LPIN1: variants seen among roughly 807,000 people sequenced by gnomAD.
LPIN1 encodes the protein lipin 1.
Under a neutral mutation model 107.5 loss-of-function variants are expected in LPIN1, and 71 were observed. The observed-to-expected ratio is 0.66, with a 90% CI of 0.55 to 0.80. The LOEUF is 0.80. LPIN1 is among the 30% of genes least tolerant of loss of function. The pLI is 0.00. For missense variants in LPIN1, 1,043 were observed against 1,160.6 expected (o/e 0.90, Z 1.47); for synonymous variants, 445 against 452.6 (o/e 0.98, Z 0.21).
chr2:11,772,508 A>G (rs990124862), intron 4 of LPIN1, among the ~76,000 whole-genome samples: 7 of 152,212 alleles, frequency 4.6e-5, no homozygotes, highest in African/African-American at 7.2e-5. Flanking sequence ...TTGAGCACCA[A>G]CGATGCACAA....
chr2:11,699,446 G>T (rs1474318368), intron 1 of LPIN1, among the ~76,000 whole-genome samples: 1 of 152,104 alleles, frequency 6.6e-6, no homozygotes, highest in African/African-American at 2.4e-5. Flanking sequence ...CCTGGGGGGG[G>T]CGTGCGGAAG....
chr2:11,773,721 A>T lies in LPIN1; in HGVS notation c.698A>T (p.Asp233Val). Reference sequence around the variant, plus strand: ...CAGTCAGCCTCATACCCTAATTCGGATAGAGAGTGGTCACCCACTCCCAGG... The same window carrying T: ...CAGTCAGCCTCATACCCTAATTCGGTTAGAGAGTGGTCACCCACTCCCAGG... The part of the protein sequence containing the change: ...YPQSASYPNS[D>V]REWSPTPSSL... The change falls in exon 5 of 21, where the codon GAT becomes GTT. Residue 233 changes from aspartate (D) to valine (V), a missense_variant. Asp to Val is a radical substitution (Grantham distance 152). Coordinates refer to ENST00000674199, the MANE Select transcript of LPIN1 (RefSeq NM_001349206.2). 6.2e-7 allele frequency: 1 copy of T among 1,614,092 alleles called. No homozygotes were observed.
intron 1 of LPIN1, among the ~76,000 whole-genome samples, chr2:11,686,984 C>G (rs936209675): frequency 1.4e-5 from 2 of 138,854 alleles, no homozygotes; most frequent in African/African-American, 2.7e-5. Context: ...CATGTCATAG[C>G]TTTTGATCCT....
intron 1 of LPIN1, chr2:11,764,309 G>A (rs1242388073): frequency 1.3e-5 from 2 of 151,932 alleles, no homozygotes; most frequent in Non-Finnish European, 2.9e-5. Context: ...ACCACGCACA[G>A]CTAATTTTTG....
At chr2:11,757,799 T>C (rs1668905000) in intron 1 of LPIN1, among the ~76,000 whole-genome samples, 1 of 140,688 alleles carries the variant, frequency 7.1e-6, no homozygotes, top group Non-Finnish European at 1.5e-5. Flanking sequence ...TCTCCCCAAT[T>C]CTTAAAAAAA....
intron 1 of LPIN1, among the ~76,000 whole-genome samples, chr2:11,696,145 G>C (rs1167884276): frequency 2.0e-5 from 3 of 149,854 alleles, no homozygotes; most frequent in Admixed American, 6.7e-5. Flanking sequence ...ATGGGGGTTT[G>C]CTGCACCTAA....
chr2:11,709,639 G>T (rs1037834214), intron 1 of LPIN1, among the ~76,000 whole-genome samples: 2 of 152,188 alleles, frequency 1.3e-5, no homozygotes, highest in Non-Finnish European at 2.9e-5. Flanking sequence ...CTCTTGTCCT[G>T]GAAAAGCTGA....
intron 2 of LPIN1, among the ~76,000 whole-genome samples, chr2:11,718,666 C>T (rs542878517): frequency 3.1e-4 from 47 of 152,228 alleles, no homozygotes; most frequent in Non-Finnish European, 5.7e-4. Flanking sequence ...GTTCCTTCTA[C>T]GCCTGTCTGG....
chr2:11,795,977 C>G (rs1004369975), intron 14 of LPIN1, among the ~76,000 whole-genome samples: 1 of 152,206 alleles, frequency 6.6e-6, no homozygotes, highest in African/African-American at 2.4e-5. Flanking sequence ...TTTGATGATA[C>G]TGATCCGTAT....
At chr2:11,788,554 G>A (rs942947474) in intron 12 of LPIN1, 98 bp downstream of exon 12, 15 of 928,270 alleles carry the variant, frequency 1.6e-5, no homozygotes, top group Non-Finnish European at 2.5e-5. Context: ...AAACTACAGA[G>A]TTAATTCCAC....
intron 1 of LPIN1, among the ~76,000 whole-genome samples, chr2:11,696,323 C>T (rs1572335403): frequency 6.6e-6 from 1 of 151,902 alleles, no homozygotes. Context: ...GAATGAGCTG[C>T]TCGAGGGAAG....
At chr2:11,718,384 T>C (rs1235256795) in intron 2 of LPIN1, among the ~76,000 whole-genome samples, 1 of 150,480 alleles carries the variant, frequency 6.6e-6, no homozygotes, top group Non-Finnish European at 1.5e-5. Context: ...CCCACTACCA[T>C]GCCCAGCTAA....
chr2:11,775,588 G>A (rs1053376649), intron 5 of LPIN1, among the ~76,000 whole-genome samples: 1 of 152,144 alleles, frequency 6.6e-6, no homozygotes, highest in Non-Finnish European at 1.5e-5. Flanking sequence ...GCACACACGA[G>A]CACATTTTTG....
chr2:11,738,791 C>T (rs1319297076), intron 1 of LPIN1, among the ~76,000 whole-genome samples: 3 of 152,214 alleles, frequency 2.0e-5, no homozygotes, highest in South Asian at 4.2e-4. Flanking sequence ...GAAGAAGGAG[C>T]CACAGAGAAT....
chr2:11,788,489 C>T (rs1230794078), intron 12 of LPIN1, 33 bp downstream of exon 12: 4 of 1,533,030 alleles, frequency 2.6e-6, no homozygotes, highest in African/African-American at 1.4e-5. Flanking sequence ...AAAGGGGATG[C>T]TAGAAATGAT....
At chr2:11,714,481 G>T (rs1378591876) in intron 2 of LPIN1, among the ~76,000 whole-genome samples, 2 of 152,136 alleles carry the variant, frequency 1.3e-5, no homozygotes, top group Non-Finnish European at 2.9e-5. Context: ...GGGATATTTT[G>T]TTTACACCCT....
At chr2:11,811,101 T>C (rs1279353028) in intron 17 of LPIN1, among the ~76,000 whole-genome samples, 2 of 152,164 alleles carry the variant, frequency 1.3e-5, no homozygotes, top group African/African-American at 2.4e-5. Context: ...GTATTGTTGG[T>C]TTTCCCCAAG....
chr2:11,677,748 C>A, intron 1 of LPIN1: 1 of 1,529,306 alleles, frequency 6.5e-7, no homozygotes. Context: ...GGCCATGTGG[C>A]CATCTGCAAA....
chr2:11,785,104 C>T (rs1169425282), intron 10 of LPIN1, 28 bp downstream of exon 10: 2 of 1,509,804 alleles, frequency 1.3e-6, no homozygotes, highest in African/African-American at 1.4e-5. Flanking sequence ...CGGGCGCCCT[C>T]TGGTGGCCGC....
Sources: gnomAD v4.1 joint callset for allele counts (sites outside exome capture counted in the v4.1 genomes callset) on GRCh38, gnomAD v4.1.1 for gene constraint, MANE v1.5 for transcripts, NCBI Gene and HGNC (gene_info 2026-07-23, HGNC 2026-07-21) for gene names.